The following MARCHF2 variants were observed in gnomAD, a reference collection of about 807,000 sequenced individuals.
The protein encoded by MARCHF2 is membrane associated ring-CH-type finger 2.
Under a neutral mutation model 24.0 loss-of-function variants are expected in MARCHF2, and 22 were observed. That is an observed-to-expected ratio of 0.92 (90% CI 0.66 to 1.31). The LOEUF is 1.31. MARCHF2 is among the 50% of genes most tolerant of loss of function. The pLI, the probability that MARCHF2 is intolerant of heterozygous loss-of-function variation, is 0.00. For synonymous variants in MARCHF2, 154 were observed against 153.0 expected (o/e 1.01, Z -0.05); for missense variants, 301 against 335.3 (o/e 0.90, Z 0.80).
At chr19:8,436,677 CTTTTTTTTTTT>C (rs71175858) in intron 4 of MARCHF2, among the ~76,000 whole-genome samples, 2 of 71,596 alleles carry the variant, frequency 2.8e-5, no homozygotes, top group Non-Finnish European at 5.5e-5. Flanking sequence ...TAAGGGCTTT[CTTTTTTTTTTT>C]TTTTTTTTTT....
rs991666857 is a variant in MARCHF2, at chr19:8,432,418, G to A, written c.582+1551G>A. On this transcript the variant is annotated intron_variant, in intron 4 of 4. Transcript: ENST00000215555. The stretch of plus-strand genomic sequence containing the variant: ...CACTTACACTCTCAGCTACTCTGGA[G>A]GCCAAGGTGGGAAGATCTCTTGAGG... 2.4e-4 allele frequency among the ~76,000 whole-genome samples: 37 copies of A among 152,248 alleles called. 1 individual carries two copies. Among genetic ancestry groups the A allele is most frequent in the Admixed American group, 1.9e-3 (29 of 15,248 alleles).
Position 8,413,314 on chromosome 19 carries a change from T to C in MARCHF2, c.-159T>C, listed in dbSNP as rs1365353797. 2 of 151,578 alleles carry C rather than the reference T, an allele frequency of 1.3e-5. No individual in the cohort carries two copies. Among genetic ancestry groups the C allele is most frequent in the East Asian group, 3.9e-4 (2 of 5,154 alleles). The allele number at this position is 151,578 out of a possible 1,614,324, so 9.4% of individuals were successfully genotyped here. ...TCGGCGGGCGGTGCCCGGACGCAGG[T>C]GCCGGCCGGAGCGGAGCTAGTGGCG... On this transcript the variant is annotated 5_prime_UTR_variant, in exon 1 of 5. Coordinates refer to ENST00000215555, the MANE Select transcript of MARCHF2 (RefSeq NM_001005415.2).
At chr19:8,436,508 C>T (rs919133759) in intron 4 of MARCHF2, among the ~76,000 whole-genome samples, 35 of 151,998 alleles carry the variant, frequency 2.3e-4, no homozygotes, top group African/African-American at 8.5e-4. Context: ...ATTCATGCCA[C>T]CCTCCTTTTC....
At chr19:8,416,412 C>A (rs1045363096) in intron 1 of MARCHF2, among the ~76,000 whole-genome samples, 9 of 151,602 alleles carry the variant, frequency 5.9e-5, no homozygotes, top group African/African-American at 7.3e-5. Context: ...AGACAGAGGG[C>A]CAGGTGCTGG....
chr19:8,414,238 TA>T (rs1218239744), intron 1 of MARCHF2, among the ~76,000 whole-genome samples: 5 of 152,182 alleles, frequency 3.3e-5, no homozygotes, highest in African/African-American at 1.2e-4. Flanking sequence ...CTTAATTTTT[TA>T]CTAATTTATG....
At chr19:8,433,590 C>A (rs1354509260) in intron 4 of MARCHF2, among the ~76,000 whole-genome samples, 1 of 149,498 alleles carries the variant, frequency 6.7e-6, no homozygotes, top group Non-Finnish European at 1.5e-5. Context: ...GCAGGAGAAT[C>A]GATTGAACCT....
intron 1 of MARCHF2, among the ~76,000 whole-genome samples, chr19:8,415,023 G>A (rs991843612): frequency 6.6e-6 from 1 of 152,162 alleles, no homozygotes; most frequent in Non-Finnish European, 1.5e-5. Context: ...ATGACCTTGG[G>A]AAAGTAGGTG....
intron 1 of MARCHF2, among the ~76,000 whole-genome samples, chr19:8,417,431 G>A (rs1967111533): frequency 6.6e-6 from 1 of 152,136 alleles, no homozygotes; most frequent in African/African-American, 2.4e-5. Context: ...GTAACAGAGT[G>A]AGACCCTGTC....
In MARCHF2 at chr19:8,421,779, C is replaced by G. The variant is rs1274679023; in HGVS notation, c.-52-10C>G. 6 of 1,502,192 alleles carry G rather than the reference C, an allele frequency of 4.0e-6. No individual in the cohort carries two copies. In the African/African-American group the frequency reaches 8.4e-5, roughly 21 times the overall value. The allele number at this position is 1,502,192 out of a possible 1,614,324, so 93.1% of individuals were successfully genotyped here. On this transcript the variant is annotated splice_polypyrimidine_tract_variant and intron_variant, in intron 1 of 4. Coordinates refer to ENST00000215555, the MANE Select transcript of MARCHF2 (RefSeq NM_001005415.2). Reference sequence around the variant, plus strand: ...CCTTGCCCCTAACCTCCGCACTGGCCTGTTCCCAGGCTCCTGGAACCATGG... The same window carrying G: ...CCTTGCCCCTAACCTCCGCACTGGCGTGTTCCCAGGCTCCTGGAACCATGG...
At chr19:8,435,226 G>A (rs1967683589) in intron 4 of MARCHF2, among the ~76,000 whole-genome samples, 1 of 151,846 alleles carries the variant, frequency 6.6e-6, no homozygotes, top group Non-Finnish European at 1.5e-5. Context: ...CACCATGTTG[G>A]CCAGGATGGT....
chr19:8,425,809 G>T (rs1176909226), intron 2 of MARCHF2, among the ~76,000 whole-genome samples: 1 of 151,650 alleles, frequency 6.6e-6, no homozygotes, highest in Non-Finnish European at 1.5e-5. Flanking sequence ...TAGAGACGGG[G>T]TTTCACCATG....
intron 4 of MARCHF2, among the ~76,000 whole-genome samples, chr19:8,431,794 C>T (rs1248872003): frequency 6.6e-6 from 1 of 151,840 alleles, no homozygotes; most frequent in African/African-American, 2.4e-5. Context: ...GCCGATATTG[C>T]GCCACTGCAC....
At chr19:8,436,839 C>T (rs10405749) in intron 4 of MARCHF2, among the ~76,000 whole-genome samples, 1,544 of 151,846 alleles carry the variant, frequency 0.01, 27 homozygotes, top group African/African-American at 0.036. Context: ...TACAGGCACC[C>T]GCCACCATGC....
rs141128600 is a variant in MARCHF2 at position 8,437,806 on chromosome 19, G to A, written c.583-582G>A. 5.7e-3 allele frequency among the ~76,000 whole-genome samples: 871 copies of A among 151,488 alleles called. 8 individuals carry two copies. The highest frequency in any genetic ancestry group is 0.016 in the African/African-American group (670 of 41,230). Reference sequence around the variant, plus strand: ...GTCGCCCAGGCTGGAGTGCAGTGGCGTGATTTCGGCTCACTGCGGCCCATA... The same window carrying A: ...GTCGCCCAGGCTGGAGTGCAGTGGCATGATTTCGGCTCACTGCGGCCCATA... On this transcript the variant is annotated intron_variant, in intron 4 of 4. Coordinates refer to ENST00000215555, the MANE Select transcript of MARCHF2 (RefSeq NM_001005415.2).
chr19:8,429,273 A>T (rs1186470443), intron 3 of MARCHF2, among the ~76,000 whole-genome samples: 6 of 151,854 alleles, frequency 4.0e-5, no homozygotes, highest in Admixed American at 3.9e-4. Context: ...CACTGCCAGC[A>T]TGGGAGGGCA....
At chr19:8,433,761 G>A (rs1474892504) in intron 4 of MARCHF2, among the ~76,000 whole-genome samples, 2 of 151,786 alleles carry the variant, frequency 1.3e-5, no homozygotes, top group Non-Finnish European at 2.9e-5. Context: ...CTACTCGGGA[G>A]GCTGAGGCAC....
chr19:8,420,752 G>T (rs1487830668), intron 1 of MARCHF2, among the ~76,000 whole-genome samples: 3 of 151,954 alleles, frequency 2.0e-5, no homozygotes, highest in Admixed American at 2.0e-4. Flanking sequence ...CTGGGCTCAA[G>T]TCATCCTCCC....
chr19:8,421,851 G>T lies in MARCHF2; in HGVS notation c.11G>T (p.Gly4Val), dbSNP rs771587964. 9 of 1,609,366 alleles carry T rather than the reference G, an allele frequency of 5.6e-6. No homozygotes were observed. In the Admixed American group the frequency reaches 8.4e-5, roughly 15 times the overall value. The change falls in exon 2 of 5, where the codon GGT (glycine) becomes GTT (valine). Residue 4 changes from glycine to valine, a missense_variant. Gly to Val is a moderately radical substitution (Grantham distance 109). Transcript: ENST00000215555. MTTGDCCHLPGSLC... is the reference protein window; with the variant it reads MTTVDCCHLPGSLC... ...GGGCTCCCGGTGGCCATGACGACGG[G>T]TGACTGCTGCCACCTCCCCGGCTCC...
In MARCHF2 at chr19:8,430,706, G is replaced by A. The variant is rs752633607; in HGVS notation, c.421G>A (p.Asp141Asn). ...PRTEKRTLCC[D>N]MVCFLFITPL... ...GACGGAGAAGCGGACACTGTGCTGCGACATGGTGTGTTTCCTGTTCATCAC... is the reference window on the plus strand; with the variant it reads ...GACGGAGAAGCGGACACTGTGCTGCAACATGGTGTGTTTCCTGTTCATCAC... Residue 141 changes from aspartate (D) to asparagine (N), a missense_variant, in exon 4 of 5, where the codon GAC becomes AAC. Transcript: ENST00000215555. This position sits in a 1 kb window ranked among gnomAD's most constrained non-coding sequence, Gnocchi z 4.4. 5.0e-6 allele frequency: 8 copies of A among 1,610,998 alleles called. No homozygotes were observed. Among genetic ancestry groups the A allele is most frequent in the African/African-American group, 1.3e-5 (1 of 74,900 alleles).
Sources: gnomAD v4.1 joint callset for allele counts (sites outside exome capture counted in the v4.1 genomes callset) on GRCh38, gnomAD v4.1.1 for gene constraint, Gnocchi (gnomAD v3.1) non-coding constraint, MANE v1.5 for transcripts, NCBI Gene and HGNC (gene_info 2026-07-23, HGNC 2026-07-21) for gene names.